The following PKD1 variants were observed in gnomAD, a reference collection of about 807,000 sequenced individuals.
PKD1 encodes the protein polycystin 1, transient receptor potential channel interacting.
In PKD1, 81 loss-of-function variants were observed where a neutral mutation model predicts 361.7. That is an observed-to-expected ratio of 0.22 (90% confidence interval 0.19 to 0.27). The LOEUF is 0.27. Ranked by LOEUF, PKD1 falls within the 10% of genes least tolerant of loss-of-function variation. The pLI is 1.00. For missense variants in PKD1, 6,399 were observed against 6,118.3 expected, an observed-to-expected ratio of 1.05 and a Z score of -1.53; for synonymous variants, 3,615 against 2,818.3, an observed-to-expected ratio of 1.28 and a Z score of -8.95.
At position 2,089,012 on chromosome 16, in the gene PKD1, G is replaced by C; in HGVS notation, c.*715C>G. ...TACTTGCCCAGACCTGATGCCAGCA[G>C]GCCTGGGCGCTGCTCTCTTGCTACC... On this transcript the variant is annotated 3_prime_UTR_variant, in exon 46 of 46. Coordinates refer to ENST00000262304, the MANE Select transcript of PKD1 (RefSeq NM_001009944.3). The C allele has an allele frequency of 4.4e-6, 1 of 228,596 alleles. No individual in the cohort carries two copies. Among genetic ancestry groups the C allele is most frequent in the Non-Finnish European group, 8.8e-6 (1 of 114,100 alleles). 14.2% of individuals were successfully genotyped at this position (228,596 alleles called of 1,614,324 possible). A position where few individuals can be genotyped will look rare whatever the true frequency, so the allele number is the denominator to read the frequency against.
intron 30 of PKD1, chr16:2,099,437 C>T (rs2091994956): frequency 1.0e-5 from 7 of 669,980 alleles, no homozygotes; most frequent in South Asian, 6.1e-5. Context: ...AAAGTGCCCT[C>T]GTTCTTTCAC....
chr16:2,116,370 G>A (rs1451308639), intron 8 of PKD1, among the ~76,000 whole-genome samples, 159 bp downstream of exon 8: 2 of 152,192 alleles, frequency 1.3e-5, no homozygotes, highest in Non-Finnish European at 2.9e-5. Flanking sequence ...GTGAGTAAAC[G>A]CTTTCCTCTC....
At chr16:2,105,130 G>C (rs1238507352) in intron 21 of PKD1, among the ~76,000 whole-genome samples, 192 bp downstream of exon 21, 2 of 149,894 alleles carry the variant, frequency 1.3e-5, no homozygotes, top group African/African-American at 4.9e-5. Flanking sequence ...TCCCCCGAGA[G>C]GCACCCTGCG....
rs141593727 is a variant in PKD1 at position 2,113,236 on chromosome 16, G to A, written c.2910C>T (p.Asn970=). The A allele has an allele frequency of 5.0e-5, 73 of 1,467,168 alleles. No individual in the cohort carries two copies. Among genetic ancestry groups the A allele is most frequent in the African/African-American group, 4.0e-4 (29 of 71,790 alleles). The allele number at this position is 1,467,168 out of a possible 1,614,324, so 90.9% of individuals were successfully genotyped here. ...TCTGGAAGGTCAGGGACTGCTTGTC[G>A]TTGATGGTCCACCGGAAGACCATGT... is the stretch of plus-strand genomic sequence containing the variant. ...GSDMVFRWTI[N]DKQSLTFQNV... Residue 970 remains asparagine (N), a synonymous_variant, in exon 12 of 46, where the codon AAC becomes AAT. Transcript: ENST00000262304.
chr16:2,092,963 G>A lies in PKD1; in HGVS notation c.11147C>T (p.Ala3716Val). The change falls in exon 38 of 46, where the codon GCC (alanine) becomes GTC (valine). Residue 3716 changes from alanine (A) to valine (V), a missense_variant. Ala to Val is a moderately conservative substitution (Grantham distance 64). Transcript: ENST00000262304. ...CACCGGATGCCCGTACCGCGTGATG[G>A]CCAGGAAGGCCCGGCTGTGCAGCTC... ...KQELHSRAFL[A>V]ITRSEELWPW... is the part of the protein sequence containing the mutation. 1 of 1,613,014 alleles carries A rather than the reference G, an allele frequency of 6.2e-7. No individual in the cohort carries two copies. The highest frequency in any genetic ancestry group is 8.5e-7 in the Non-Finnish European group (1 of 1,180,006).
At chr16:2,095,787 T>G (rs1303655779) in intron 34 of PKD1, among the ~76,000 whole-genome samples, 1 of 152,236 alleles carries the variant, frequency 6.6e-6, no homozygotes, top group Non-Finnish European at 1.5e-5. Context: ...TCTGTGTGGA[T>G]GCGGAGTCTG....
Position 2,117,734 on chromosome 16 carries a change from G to A in PKD1, c.1201+57C>T, listed in dbSNP as rs1421374227. 4.7e-6 allele frequency: 6 copies of A among 1,280,076 alleles called. No homozygotes were observed. In the East Asian group the frequency reaches 9.6e-5, roughly 21 times the overall value. 79.3% of individuals were successfully genotyped at this position (1,280,076 alleles called of 1,614,324 possible). A position where few individuals can be genotyped will look rare whatever the true frequency, so the allele number is the denominator to read the frequency against. On this transcript the variant is annotated intron_variant, in intron 5 of 45. Coordinates refer to ENST00000262304, the MANE Select transcript of PKD1 (RefSeq NM_001009944.3). Reference sequence around the variant, plus strand: ...TGTGGGCCCAAGACGGGGGTACCAGGCTCTGCCCCATCTGGATGGCCCTGG... The same window carrying A: ...TGTGGGCCCAAGACGGGGGTACCAGACTCTGCCCCATCTGGATGGCCCTGG...
rs777694828 is a variant in PKD1 at position 2,115,442 on chromosome 16, G to A, written c.2033C>T (p.Ala678Val). The change falls in exon 10 of 46, where the codon GCC (alanine) becomes GTC (valine). Residue 678 changes from alanine (A) to valine (V), a missense_variant. Ala to Val is a moderately conservative substitution (Grantham distance 64). Transcript: ENST00000262304. ...GCTSGPGLPG[A>V]PYALWREFLF... ...GAACTCTCTCCATAGCGCATAGGGG[G>A]CCCCGGGTAGCCCTGGCCCTGACGT... The A allele has an allele frequency of 5.0e-6, 8 of 1,595,648 alleles. No homozygotes were observed. In the Admixed American group the frequency reaches 6.9e-5, roughly 14 times the overall value.
In PKD1 at chr16:2,106,660, C is replaced by T. The variant is rs527865750; in HGVS notation, c.7227G>A (p.Thr2409=). 5.2e-5 allele frequency: 83 copies of T among 1,596,688 alleles called. No homozygotes were observed. The highest frequency in any genetic ancestry group is 2.3e-4 in the Middle Eastern group (1 of 4,428). Residue 2409 remains threonine (T), a synonymous_variant, in exon 18 of 46, where the codon ACG becomes ACA. Coordinates refer to ENST00000262304, the MANE Select transcript of PKD1 (RefSeq NM_001009944.3). The surrounding 1 kb of genome is among the most constrained non-coding windows in gnomAD (Gnocchi z 6.5). The part of the protein sequence containing the change: ...GSKRGRWAAR[T]FSNKTLVLDE... ...CCAGCACCAGCGTCTTGTTGCTGAACGTACGTGCAGCCCACCGCTGCAGGC... is the reference window on the plus strand; with the variant it reads ...CCAGCACCAGCGTCTTGTTGCTGAATGTACGTGCAGCCCACCGCTGCAGGC...
chr16:2,133,307 CTCAGAAGCCCCGGCTG>C (rs2092911433), intron 1 of PKD1: 1 of 148,164 alleles, frequency 6.7e-6, no homozygotes, highest in African/African-American at 2.6e-5. Flanking sequence ...AGGCTGTGGC[CTCAGAAGCCCCGGCTG>C]TCCTCCACCT....
chr16:2,104,425 T>C (rs1366097071), intron 22 of PKD1, 73 bp downstream of exon 22: 32 of 989,476 alleles, frequency 3.2e-5, no homozygotes, highest in African/African-American at 6.8e-5. Flanking sequence ...GGCGACGCGG[T>C]TGGGGGGAGG....
chr16:2,090,424 C>T lies in PKD1; in HGVS notation c.12305G>A (p.Gly4102Glu), dbSNP rs1306483854. ...GTAGCGCCAGCGGAGAATAACAGCC[C>T]CCAGCCGTAGGGCGCCCCACAGCCG... ...ALRLWGALRL[G>E]AVILRWRYHA... is the part of the protein sequence containing the mutation. Residue 4102 changes from glycine (G) to glutamate (E), a missense_variant, in exon 45 of 46, where the codon GGG (glycine) becomes GAG (glutamate). By Grantham distance (98) the Gly-to-Glu change is moderately conservative. Coordinates refer to ENST00000262304, the MANE Select transcript of PKD1 (RefSeq NM_001009944.3). 7 of 1,612,516 alleles carry T rather than the reference C, an allele frequency of 4.3e-6. No homozygotes were observed. Among genetic ancestry groups the T allele is most frequent in the Non-Finnish European group, 4.2e-6 (5 of 1,179,918 alleles).
At chr16:2,135,306 C>T in intron 1 of PKD1, 169 bp downstream of exon 1, 1 of 985,276 alleles carries the variant, frequency 1.0e-6, no homozygotes, top group Non-Finnish European at 1.2e-6. Context: ...CGGGGCCGTG[C>T]CAACCGCGGC....
rs747142029 is a variant in PKD1 at position 2,110,993 on chromosome 16, C to A, written c.4174G>T (p.Val1392Leu). 6 of 1,610,534 alleles carry A rather than the reference C, an allele frequency of 3.7e-6. No individual in the cohort carries two copies. In the South Asian group the frequency reaches 4.4e-5, roughly 12 times the overall value. Residue 1392 changes from valine (V) to leucine (L), a missense_variant, in exon 15 of 46, where the codon GTG (valine) becomes TTG (leucine). Transcript: ENST00000262304. ...NVTLQPERQFVQLGDEAWLVA... is the reference protein window; with the variant it reads ...NVTLQPERQFLQLGDEAWLVA... ...AGCCAGGCCTCGTCCCCGAGCTGCA[C>A]AAACTGCCTCTCTGGCTGCAGGGTG...
Position 2,090,019 on chromosome 16 carries a change from C to T in PKD1, c.12620G>A (p.Arg4207Lys). The change falls in exon 46 of 46, where the codon AGG (arginine) becomes AAG (lysine). Residue 4207 changes from arginine to lysine, a missense_variant. Transcript: ENST00000262304. Reference protein sequence around the residue: ...LSVSLGRLGTRCEPEPSRLQA... With the variant: ...LSVSLGRLGTKCEPEPSRLQA... ...GAGGCGGGAGGGCTCAGGCTCACAC[C>T]TTGTCCCCAGCCGGCCCAGGCTCAC... 2 of 1,610,428 alleles carry T rather than the reference C, an allele frequency of 1.2e-6. No individual in the cohort carries two copies. Among genetic ancestry groups the T allele is most frequent in the South Asian group, 1.1e-5 (1 of 90,842 alleles).
rs533712719 is a variant in PKD1 at position 2,106,882 on chromosome 16, C to T, written c.7132G>A (p.Val2378Met). 8.0e-5 allele frequency: 124 copies of T among 1,553,826 alleles called. No individual in the cohort carries two copies. The highest frequency in any genetic ancestry group is 7.5e-4 in the South Asian group (68 of 90,390). Residue 2378 changes from valine to methionine, a missense_variant, in exon 17 of 46, where the codon GTG (valine) becomes ATG (methionine). Transcript: ENST00000262304. The surrounding 1 kb of genome is among the most constrained non-coding windows in gnomAD (Gnocchi z 6.5). ...TAGGAGCTGCGGCTCACTTCGTACACGGCCTGTGCCTTGCAGGACACACAC... is the reference window on the plus strand; with the variant it reads ...TAGGAGCTGCGGCTCACTTCGTACATGGCCTGTGCCTTGCAGGACACACAC... ...LECVSCKAQA[V>M]YEVSRSSYVY...
Position 2,109,318 on chromosome 16 carries a change from A to G in PKD1, c.5849T>C (p.Val1950Ala). 7 of 1,587,740 alleles carry G rather than the reference A, an allele frequency of 4.4e-6. No homozygotes were observed. The highest frequency in any genetic ancestry group is 6.0e-6 in the Non-Finnish European group (7 of 1,170,624). The change falls in exon 15 of 46, where the codon GTG becomes GCG. Residue 1950 changes from valine to alanine, a missense_variant. Physicochemically the swap from Val to Ala is moderately conservative, Grantham distance 64. Transcript: ENST00000262304. Reference sequence around the variant, plus strand: ...CCAGCTCACGTGGTTTTTGCCCCGCACGCTCACCACGTGGTCTCCGACGCG... The same window carrying G: ...CCAGCTCACGTGGTTTTTGCCCCGCGCGCTCACCACGTGGTCTCCGACGCG... ...FPRVGDHVVS[V>A]RGKNHVSWAQ... is the part of the protein sequence containing the mutation.
rs1312745441 is a variant in PKD1 at position 2,089,249 on chromosome 16, A to AAAAT, written c.*474_*477dup. The AAAAT allele has an allele frequency of 5.6e-6, 1 of 177,512 alleles. No homozygotes were observed. The highest frequency in any genetic ancestry group is 2.4e-5 in the African/African-American group (1 of 42,164). The allele number at this position is 177,512 out of a possible 1,614,324, so 11.0% of individuals were successfully genotyped here. On this transcript the variant is annotated 3_prime_UTR_variant, in exon 46 of 46. Coordinates refer to ENST00000262304, the MANE Select transcript of PKD1 (RefSeq NM_001009944.3). ...GCCCTAGTGAAAATAGTGACATACA[A>AAAAT]AAATATACACATTTTAACACCATAT...
chr16:2,117,287 G>C (rs1052212315), intron 6 of PKD1, among the ~76,000 whole-genome samples: 1 of 152,198 alleles, frequency 6.6e-6, no homozygotes, highest in African/African-American at 2.4e-5. Flanking sequence ...GTGCCCAGGA[G>C]TGTCCGGAGG....
Sources: gnomAD v4.1 joint callset for allele counts (sites outside exome capture counted in the v4.1 genomes callset) on GRCh38, gnomAD v4.1.1 for gene constraint, Gnocchi (gnomAD v3.1) non-coding constraint, MANE v1.5 for transcripts, NCBI Gene and HGNC (gene_info 2026-07-23, HGNC 2026-07-21) for gene names.